Variants in TSHZ3 observed in about 807,000 individuals in gnomAD.
TSHZ3 encodes teashirt homolog 3.
A neutral mutation model predicts 64.5 loss-of-function variants in TSHZ3; 10 were observed. The ratio of observed to expected loss-of-function variants is 0.16; its 90% CI spans 0.10 to 0.26. TSHZ3 has a LOEUF of 0.26. Ranked by LOEUF, TSHZ3 falls within the 10% of genes least tolerant of loss-of-function variation. The probability of loss-of-function intolerance (pLI) is 1.00; values close to 1 mark genes in which losing one functional copy is unlikely to be tolerated. For missense variants in TSHZ3, 1,242 were observed against 1,421.7 expected, an observed-to-expected ratio of 0.87 and a Z score of 2.03; for synonymous variants, 608 against 593.1, an observed-to-expected ratio of 1.03 and a Z score of -0.36.
chr19:31,156,567 A>C (rs909745582), intron 5 of TSHZ3, among the ~76,000 whole-genome samples: 1 of 152,188 alleles, frequency 6.6e-6, no homozygotes, highest in Non-Finnish European at 1.5e-5. Flanking sequence ...CACCTGCAGA[A>C]GCACAAAGAT....
At chr19:31,305,961 T>TA (rs969192528) in intron 1 of TSHZ3, among the ~76,000 whole-genome samples, 57 of 151,936 alleles carry the variant, frequency 3.8e-4, no homozygotes, top group African/African-American at 1.3e-3. Flanking sequence ...CAAGAGAAAT[T>TA]AAAAAAAAAT....
chr19:31,318,634 T>G, intron 1 of TSHZ3, among the ~76,000 whole-genome samples: 1 of 152,186 alleles, frequency 6.6e-6, no homozygotes, highest in Non-Finnish European at 1.5e-5. Context: ...TAATTTTTAG[T>G]ATCATGAATA....
intron 4 of TSHZ3, among the ~76,000 whole-genome samples, chr19:31,216,803 T>TTTTTTTATTTTTTA: frequency 6.6e-6 from 1 of 151,916 alleles, no homozygotes; most frequent in South Asian, 2.1e-4. Context: ...CCTGGCCAAT[T>TTTTTTTATTTTTTA]TTTTTTATTT....
intron 1 of TSHZ3, among the ~76,000 whole-genome samples, chr19:31,264,216 A>C (rs1189037779): frequency 6.6e-6 from 1 of 152,158 alleles, no homozygotes; most frequent in Non-Finnish European, 1.5e-5. Context: ...ACCTGTGCAC[A>C]GGGAAGCCAC....
At chr19:31,229,273 G>T (rs1194459615) in intron 3 of TSHZ3, among the ~76,000 whole-genome samples, 1 of 152,150 alleles carries the variant, frequency 6.6e-6, no homozygotes, top group African/African-American at 2.4e-5. Flanking sequence ...CAAACAGAAA[G>T]ATTAGAAACA....
At chr19:31,191,547 T>C (rs1205290634) in intron 5 of TSHZ3, among the ~76,000 whole-genome samples, 1 of 152,046 alleles carries the variant, frequency 6.6e-6, no homozygotes, top group African/African-American at 2.4e-5. Flanking sequence ...GTACACTTAG[T>C]CCACATGACA....
At position 31,222,891 on chromosome 19, in the gene TSHZ3, A is replaced by G. The variant is rs577445796; in HGVS notation, n.686+5114T>C. On this transcript the variant is annotated intron_variant and non_coding_transcript_variant, in intron 4 of 6. Transcript: ENST00000651361. ...AGAGGGTTAGAAATGAGATGTGAAA[A>G]TGACAGCAAGAAGACATGTCAATAA... is the stretch of plus-strand genomic sequence containing the variant. Among the ~76,000 whole-genome samples, 8 of 152,262 alleles carry G rather than the reference A, an allele frequency of 5.3e-5. No individual in the cohort carries two copies. In the South Asian group the frequency reaches 1.2e-3, roughly 24 times the overall value.
At chr19:31,151,075 A>G (rs975204932) in exon 7 of TSHZ3, among the ~76,000 whole-genome samples, 3 of 152,214 alleles carry the variant, frequency 2.0e-5, no homozygotes, top group Admixed American at 6.5e-5. Context: ...TCCAGTGCAC[A>G]TACATTTCCT....
chr19:31,159,463 G>A (rs868771155), intron 5 of TSHZ3, among the ~76,000 whole-genome samples: 1 of 152,068 alleles, frequency 6.6e-6, no homozygotes, highest in South Asian at 2.1e-4. Context: ...CTTTATTTTG[G>A]CTATCACAAT....
At chr19:31,304,292 A>G (rs977805213) in intron 1 of TSHZ3, among the ~76,000 whole-genome samples, 9 of 151,606 alleles carry the variant, frequency 5.9e-5, no homozygotes, top group African/African-American at 2.2e-4. Flanking sequence ...CACTCTTACA[A>G]TTTGCCTTTC....
intron 1 of TSHZ3, among the ~76,000 whole-genome samples, chr19:31,348,566 G>A (rs1430363768): frequency 6.6e-6 from 1 of 152,042 alleles, no homozygotes; most frequent in Non-Finnish European, 1.5e-5. Context: ...ACAAGGAGGG[G>A]GTGGGGGCGA....
intron 1 of TSHZ3, among the ~76,000 whole-genome samples, chr19:31,341,259 T>C (rs1917423852): frequency 6.6e-6 from 1 of 152,304 alleles, no homozygotes; most frequent in Middle Eastern, 3.4e-3. Context: ...GCAAGATGCA[T>C]TGGCAAAGAG....
exon 7 of TSHZ3, among the ~76,000 whole-genome samples, chr19:31,151,620 C>G (rs1321630972): frequency 3.3e-5 from 5 of 152,154 alleles, no homozygotes; most frequent in African/African-American, 1.2e-4. Flanking sequence ...CCCAGCATCC[C>G]CCTTTGCACA....
chr19:31,197,489 G>GAA (rs142320114), intron 5 of TSHZ3, among the ~76,000 whole-genome samples: 1 of 144,486 alleles, frequency 6.9e-6, no homozygotes, highest in African/African-American at 2.5e-5. Flanking sequence ...TTGAACTCAA[G>GAA]AAAAAAAAAA....
At chr19:31,171,444 T>G (rs1974533134) in intron 5 of TSHZ3, among the ~76,000 whole-genome samples, 1 of 152,038 alleles carries the variant, frequency 6.6e-6, no homozygotes, top group Non-Finnish European at 1.5e-5. Context: ...TGTAACTATG[T>G]GTGGGAAAAC....
downstream of TSHZ3, among the ~76,000 whole-genome samples, chr19:31,271,683 T>G (rs1317087773): frequency 3.3e-5 from 5 of 152,158 alleles, no homozygotes; most frequent in Non-Finnish European, 7.4e-5. Flanking sequence ...GTCAGCTGAA[T>G]GCTGAAAGGC....
At chr19:31,306,424 C>T (rs1916298049) in intron 1 of TSHZ3, among the ~76,000 whole-genome samples, 1 of 152,172 alleles carries the variant, frequency 6.6e-6, no homozygotes, top group East Asian at 1.9e-4. Context: ...ACAGTTAATG[C>T]AAAGTGATCG....
intron 5 of TSHZ3, among the ~76,000 whole-genome samples, chr19:31,202,432 A>C (rs892139068): frequency 6.6e-6 from 1 of 152,038 alleles, no homozygotes; most frequent in Non-Finnish European, 1.5e-5. Flanking sequence ...ATTCCAAGCT[A>C]TTTGCTGTTT....
chr19:31,343,505 T>C (rs1917495539), intron 1 of TSHZ3, among the ~76,000 whole-genome samples: 1 of 152,236 alleles, frequency 6.6e-6, no homozygotes, highest in Non-Finnish European at 1.5e-5. Flanking sequence ...ATGGGGCTTA[T>C]AAAATATTCA....
Sources: allele counts gnomAD v4.1 joint callset (sites outside exome capture counted in the v4.1 genomes callset), GRCh38; gene constraint gnomAD v4.1.1; transcripts MANE v1.5; gene names NCBI Gene and HGNC (gene_info 2026-07-23, HGNC 2026-07-21).